Variants in PTPRE observed in about 807,000 individuals in gnomAD.
The protein encoded by PTPRE is protein tyrosine phosphatase receptor type E, also known as receptor-type tyrosine-protein phosphatase epsilon.
A neutral mutation model predicts 102.0 loss-of-function variants in PTPRE; 51 were observed. The observed-to-expected ratio is 0.50, with a 90% CI of 0.40 to 0.63. The LOEUF (loss-of-function observed/expected upper bound fraction) is 0.63, where lower values mean the gene tolerates loss of function less well. Ranked by LOEUF, PTPRE falls within the 30% of genes least tolerant of loss-of-function variation. PTPRE has a pLI of 0.00. For missense variants in PTPRE, 752 were observed against 915.1 expected (o/e 0.82, Z 2.30); for synonymous variants, 345 against 348.2 (o/e 0.99, Z 0.10).
chr10:127,981,970 G>T (rs1851663165), intron 1 of PTPRE, among the ~76,000 whole-genome samples: 1 of 152,096 alleles, frequency 6.6e-6, no homozygotes, highest in Non-Finnish European at 1.5e-5. Flanking sequence ...GAAGGGGAGG[G>T]AACCCTATAG....
At chr10:127,976,564 G>A (rs558293163) in intron 1 of PTPRE, among the ~76,000 whole-genome samples, 3 of 152,174 alleles carry the variant, frequency 2.0e-5, no homozygotes, top group South Asian at 2.1e-4. Context: ...AGTCCTGCTC[G>A]TCTGTCATAG....
rs982121895 is a variant in PTPRE at position 127,944,224 on chromosome 10, G to A, written c.-31+36915G>A. Among the ~76,000 whole-genome samples the A allele has an allele frequency of 6.6e-6, 1 of 152,204 alleles. No individual in the cohort carries two copies. Among genetic ancestry groups the A allele is most frequent in the Non-Finnish European group, 1.5e-5 (1 of 68,026 alleles). On this transcript the variant is annotated intron_variant, in intron 1 of 20. Transcript: ENST00000254667. This position sits in a 1 kb window ranked among gnomAD's most constrained non-coding sequence, Gnocchi z 4.2. Reference sequence around the variant, plus strand: ...GGACCAGAACTGGGGTATAAAGTAGGACTGAGAATTAAGAGGAAGACCACA... The same window carrying A: ...GGACCAGAACTGGGGTATAAAGTAGAACTGAGAATTAAGAGGAAGACCACA...
chr10:128,080,405 T>C (rs1337384470), intron 20 of PTPRE, among the ~76,000 whole-genome samples: 1 of 152,162 alleles, frequency 6.6e-6, no homozygotes, highest in African/African-American at 2.4e-5. Context: ...GCCCTGTGCA[T>C]AGAGAGGCAG....
chr10:128,049,692 G>T (rs1472884893), intron 6 of PTPRE, 26 bp downstream of exon 6: 2 of 1,613,314 alleles, frequency 1.2e-6, no homozygotes, highest in Non-Finnish European at 1.7e-6. Context: ...GCTCTCTGCT[G>T]GGTGCCCTGT....
chr10:128,030,963 T>C (rs1453771575), intron 2 of PTPRE, among the ~76,000 whole-genome samples: 1 of 152,200 alleles, frequency 6.6e-6, no homozygotes, highest in Non-Finnish European at 1.5e-5. Context: ...GGCAGTTGCA[T>C]TCTAGTTATT....
intron 1 of PTPRE, among the ~76,000 whole-genome samples, chr10:127,976,139 G>T (rs1198751179): frequency 6.6e-6 from 1 of 152,078 alleles, no homozygotes; most frequent in Non-Finnish European, 1.5e-5. Context: ...ATAGGGCAAA[G>T]ATTTTTTTAA....
intron 2 of PTPRE, among the ~76,000 whole-genome samples, chr10:128,019,276 G>C (rs796913614): frequency 2.7e-4 from 41 of 152,356 alleles, no homozygotes; most frequent in African/African-American, 9.1e-4. Flanking sequence ...CCAGCTGGGG[G>C]AGTGAAGATG....
chr10:128,045,700 C>G (rs1848034865), intron 3 of PTPRE, among the ~76,000 whole-genome samples: 1 of 152,164 alleles, frequency 6.6e-6, no homozygotes, highest in South Asian at 2.1e-4. Flanking sequence ...CTCTCTGGAG[C>G]TGCAAGTGTG....
At position 127,941,016 on chromosome 10, in the gene PTPRE, G is replaced by A. The variant is rs370529095; in HGVS notation, c.-31+33707G>A. On this transcript the variant is annotated intron_variant, in intron 1 of 20. Coordinates refer to ENST00000254667, the MANE Select transcript of PTPRE (RefSeq NM_006504.6). ...CATGCAGAGCAGAACGGCAAGCAGG[G>A]CAGGAGGCACCAAGCTGGCAGGGCA... Among the ~76,000 whole-genome samples the A allele has an allele frequency of 1.9e-4, 29 of 152,344 alleles. No homozygotes were observed. The East Asian group carries it at 4.1e-3, about 21-fold the overall frequency.
Position 128,061,703 on chromosome 10 carries a change from A to G in PTPRE, c.613A>G (p.Ile205Val), listed in dbSNP as rs769285023. Residue 205 changes from isoleucine to valine, a missense_variant, in exon 9 of 21, where the codon ATA becomes GTA. Physicochemically the swap from Ile to Val is conservative, Grantham distance 29 (BLOSUM62 3). Coordinates refer to ENST00000254667, the MANE Select transcript of PTPRE (RefSeq NM_006504.6). ...IDGYKEKNKF[I>V]AAQGPKQETV... ...GGGTTACAAAGAGAAGAATAAATTCATAGCAGCTCAAGGTAAGCTTTTTAT... is the reference window on the plus strand; with the variant it reads ...GGGTTACAAAGAGAAGAATAAATTCGTAGCAGCTCAAGGTAAGCTTTTTAT... The G allele has an allele frequency of 1.9e-6, 3 of 1,583,216 alleles. No individual in the cohort carries two copies. The Middle Eastern group carries it at 5.1e-4, about 267-fold the overall frequency.
At chr10:128,031,436 TC>T (rs974643791) in intron 2 of PTPRE, among the ~76,000 whole-genome samples, 18 of 152,190 alleles carry the variant, frequency 1.2e-4, no homozygotes, top group Non-Finnish European at 2.2e-4. Context: ...TCCCAACACT[TC>T]CATTGTTTCA....
chr10:127,912,801 T>G (rs2135136391), intron 1 of PTPRE, among the ~76,000 whole-genome samples: 1 of 152,348 alleles, frequency 6.6e-6, no homozygotes, highest in Non-Finnish European at 1.5e-5. Context: ...CAGAGCTCAC[T>G]CTGTGCATGT....
chr10:127,970,312 G>A (rs1675861174), intron 1 of PTPRE, among the ~76,000 whole-genome samples: 1 of 152,196 alleles, frequency 6.6e-6, no homozygotes, highest in African/African-American at 2.4e-5. Context: ...CCAATGGAAG[G>A]ACGGTAAGGT....
At chr10:128,047,684 G>A in intron 4 of PTPRE, 80 bp from the exon 5 acceptor site, 1 of 1,614,160 alleles carries the variant, frequency 6.2e-7, no homozygotes, top group Non-Finnish European at 8.5e-7. Flanking sequence ...GGCTCACCTG[G>A]TGGGTATCAC....
chr10:127,975,651 G>C (rs1851096012), intron 1 of PTPRE, among the ~76,000 whole-genome samples: 1 of 152,156 alleles, frequency 6.6e-6, no homozygotes, highest in African/African-American at 2.4e-5. Flanking sequence ...ACATATCTGA[G>C]TATTAGAGAT....
At chr10:127,981,756 G>T (rs535997472) in intron 1 of PTPRE, among the ~76,000 whole-genome samples, 2 of 151,978 alleles carry the variant, frequency 1.3e-5, no homozygotes, top group African/African-American at 4.8e-5. Context: ...GGCGAAGTTT[G>T]CAGTGAGCTG....
At chr10:127,995,910 T>A (rs1016701235) in intron 2 of PTPRE, among the ~76,000 whole-genome samples, 1 of 152,062 alleles carries the variant, frequency 6.6e-6, no homozygotes, top group Non-Finnish European at 1.5e-5. Flanking sequence ...CCTCTATTTG[T>A]AAAGGGTGCA....
chr10:128,054,377 C>T (rs185689440), intron 6 of PTPRE, among the ~76,000 whole-genome samples: 28 of 152,084 alleles, frequency 1.8e-4, no homozygotes, highest in East Asian at 1.2e-3. Flanking sequence ...AAAGCTTTTG[C>T]GGGTAGAAAA....
rs536801361 is a variant in PTPRE at position 127,918,573 on chromosome 10, A to G, written c.-31+11264A>G. Among the ~76,000 whole-genome samples, 45 of 152,030 alleles carry G rather than the reference A, an allele frequency of 3.0e-4. No individual in the cohort carries two copies. The East Asian group carries it at 5.2e-3, about 18-fold the overall frequency. On this transcript the variant is annotated intron_variant, in intron 1 of 20. Coordinates refer to ENST00000254667, the MANE Select transcript of PTPRE (RefSeq NM_006504.6). ...GACTCCATCTCAAAAAAAAAAAAAA[A>G]AGAGAGAAAATCTATATGGAAGAAA...
Sources: gnomAD v4.1 joint callset for allele counts (sites outside exome capture counted in the v4.1 genomes callset) on GRCh38, gnomAD v4.1.1 for gene constraint, Gnocchi (gnomAD v3.1) non-coding constraint, MANE v1.5 for transcripts, NCBI Gene and HGNC (gene_info 2026-07-23, HGNC 2026-07-21) for gene names.